HLCS: variants seen among roughly 807,000 people sequenced by gnomAD.
HLCS encodes the protein biotin--protein ligase.
A neutral mutation model predicts 75.0 loss-of-function variants in HLCS; 53 were observed. The ratio of observed to expected loss-of-function variants is 0.71; its 90% CI spans 0.57 to 0.89. HLCS has a LOEUF of 0.89. Among genes scored for constraint, HLCS ranks in the 40% least tolerant of loss-of-function variants. HLCS has a pLI of 0.00. For synonymous variants in HLCS, 431 were observed against 428.6 expected, an observed-to-expected ratio of 1.01 and a Z score of -0.07; for missense variants, 966 against 1,074.0, an observed-to-expected ratio of 0.90 and a Z score of 1.41.
chr21:36,761,232 C>A (rs139811605), intron 8 of HLCS, among the ~76,000 whole-genome samples: 1 of 152,210 alleles, frequency 6.6e-6, no homozygotes, highest in East Asian at 1.9e-4. Context: ...TTGAAAGCCA[C>A]GGAGCTAAAA....
chr21:36,952,458 T>G (rs2067711607), intron 2 of HLCS, among the ~76,000 whole-genome samples: 10 of 152,200 alleles, frequency 6.6e-5, no homozygotes, highest in African/African-American at 2.4e-4. Context: ...GTGGCAATCC[T>G]CCTTGTTGGG....
intron 6 of HLCS, among the ~76,000 whole-genome samples, chr21:36,880,954 TTTTG>T (rs146652378): frequency 0.21 from 32,056 of 150,066 alleles, 3,819 homozygotes; most frequent in Middle Eastern, 0.31. Context: ...AGCAGAGAGT[TTTTG>T]TTTGTTTGTT....
chr21:36,854,234 G>A (rs1265158336), intron 6 of HLCS, among the ~76,000 whole-genome samples: 1 of 152,140 alleles, frequency 6.6e-6, no homozygotes, highest in African/African-American at 2.4e-5. Flanking sequence ...GCTTAAACAC[G>A]TGTAAGGGGA....
At chr21:36,968,083 A>T (rs1194192726), upstream of HLCS, among the ~76,000 whole-genome samples, 1 of 152,064 alleles carries the variant, frequency 6.6e-6, no homozygotes, top group Non-Finnish European at 1.5e-5. Context: ...GCCGTGGCAT[A>T]ATCACAGCTC....
chr21:36,916,264 A>G (rs2065922823), intron 5 of HLCS, among the ~76,000 whole-genome samples: 1 of 152,136 alleles, frequency 6.6e-6, no homozygotes, highest in Non-Finnish European at 1.5e-5. Context: ...ATTTTCCTAG[A>G]TCAGAGGGGT....
intron 9 of HLCS, among the ~76,000 whole-genome samples, chr21:36,758,122 TG>T (rs1190745802): frequency 1.3e-5 from 2 of 152,170 alleles, no homozygotes; most frequent in East Asian, 3.8e-4. Context: ...ATTTATTTTT[TG>T]GAGACGGGGT....
Position 36,936,494 on chromosome 21 carries a change from C to G in HLCS, c.1392G>C (p.Val464=). ...LENEDKDRMI[V]HVPFGTRGGE... ...CCCCGCGAGTTCCAAAAGGCACATG[C>G]ACAATCATCCTGTCCTTGTCCTCAT... Residue 464 remains valine, a synonymous_variant, in exon 4 of 11, where the codon GTG becomes GTC. Coordinates refer to ENST00000674895, the MANE Select transcript of HLCS (RefSeq NM_001352514.2). 1 of 1,614,232 alleles carries G rather than the reference C, an allele frequency of 6.2e-7. No individual in the cohort carries two copies. Among genetic ancestry groups the G allele is most frequent in the South Asian group, 1.1e-5 (1 of 91,088 alleles).
At chr21:36,798,231 G>C (rs1569024944) in intron 6 of HLCS, among the ~76,000 whole-genome samples, 1 of 152,160 alleles carries the variant, frequency 6.6e-6, no homozygotes, top group South Asian at 2.1e-4. Flanking sequence ...CAGGTATTTG[G>C]GGGAGGAAGG....
At chr21:36,794,529 C>T (rs1249395401) in intron 6 of HLCS, among the ~76,000 whole-genome samples, 2 of 151,814 alleles carry the variant, frequency 1.3e-5, no homozygotes, top group East Asian at 3.9e-4. Flanking sequence ...ACACTCTGTG[C>T]GTATGGGGTT....
At chr21:36,764,758 T>C (rs1413088988) in intron 8 of HLCS, among the ~76,000 whole-genome samples, 4 of 152,162 alleles carry the variant, frequency 2.6e-5, no homozygotes, top group African/African-American at 9.7e-5. Flanking sequence ...AGCGTTGCCC[T>C]CATCAGGCTG....
intron 6 of HLCS, among the ~76,000 whole-genome samples, chr21:36,848,507 G>A (rs1165964068): frequency 2.0e-5 from 3 of 151,902 alleles, no homozygotes; most frequent in East Asian, 3.9e-4. Context: ...GACCTCAAAC[G>A]ATCTGCCTGC....
At chr21:36,776,382 G>A (rs375394618) in intron 6 of HLCS, among the ~76,000 whole-genome samples, 1 of 151,308 alleles carries the variant, frequency 6.6e-6, no homozygotes, top group Non-Finnish European at 1.5e-5. Context: ...GTACAATCAC[G>A]GAAATCAACA....
rs2089310680 is a variant in HLCS, at chr21:36,749,705, G to C, written c.*4541C>G. Reference sequence around the variant, plus strand: ...GGGTATTATTTTTTTATGTTCATGAGTCTTGTAATTAAACCGTGATTCTTG... The same window carrying C: ...GGGTATTATTTTTTTATGTTCATGACTCTTGTAATTAAACCGTGATTCTTG... On this transcript the variant is annotated 3_prime_UTR_variant, in exon 11 of 11. Coordinates refer to ENST00000674895, the MANE Select transcript of HLCS (RefSeq NM_001352514.2). The C allele has an allele frequency of 3.3e-5, 5 of 152,102 alleles. No homozygotes were observed. The highest frequency in any genetic ancestry group is 3.3e-4 in the Admixed American group (5 of 15,280). 9.4% of individuals were successfully genotyped at this position (152,102 alleles called of 1,614,324 possible). A position where few individuals can be genotyped will look rare whatever the true frequency, so the allele number is the denominator to read the frequency against.
chr21:36,913,540 C>G (rs529339378), intron 5 of HLCS, among the ~76,000 whole-genome samples: 7 of 152,196 alleles, frequency 4.6e-5, no homozygotes, highest in African/African-American at 1.7e-4. Flanking sequence ...GCAGGCAGAT[C>G]ACCTGAGGCC....
At chr21:36,940,249 A>G (rs1265263263) in intron 2 of HLCS, among the ~76,000 whole-genome samples, 1 of 152,170 alleles carries the variant, frequency 6.6e-6, no homozygotes, top group Non-Finnish European at 1.5e-5. Flanking sequence ...GCCATGAACG[A>G]TTGCTCTACT....
chr21:36,900,655 A>ACAAG (rs1451688279), intron 5 of HLCS, among the ~76,000 whole-genome samples: 1 of 152,124 alleles, frequency 6.6e-6, no homozygotes, highest in Non-Finnish European at 1.5e-5. Flanking sequence ...AGGGGAACAA[A>ACAAG]CAAGCAGAGA....
chr21:36,767,352 C>T, intron 6 of HLCS, 67 bp from the exon 7 acceptor site: 1 of 1,469,288 alleles, frequency 6.8e-7, no homozygotes, highest in South Asian at 1.1e-5. Flanking sequence ...ATGGCTCACA[C>T]AGGAGGGACA....
At chr21:36,791,726 C>T (rs557987258) in intron 6 of HLCS, among the ~76,000 whole-genome samples, 3 of 152,004 alleles carry the variant, frequency 2.0e-5, no homozygotes, top group South Asian at 2.1e-4. Flanking sequence ...TCGAGGGCCA[C>T]GGAAGCGGGT....
chr21:36,884,884 G>C (rs937385454), intron 6 of HLCS, among the ~76,000 whole-genome samples: 13 of 152,160 alleles, frequency 8.5e-5, no homozygotes, highest in Admixed American at 8.5e-4. Flanking sequence ...AGGGGTCTCA[G>C]GAAGGTGTGG....
Sources: allele counts gnomAD v4.1 joint callset (sites outside exome capture counted in the v4.1 genomes callset), GRCh38; gene constraint gnomAD v4.1.1; transcripts MANE v1.5; gene names NCBI Gene and HGNC (gene_info 2026-07-23, HGNC 2026-07-21).